Variants in AKAP6 observed in about 807,000 individuals in gnomAD.
AKAP6 encodes the protein A-kinase anchor protein 6.
A neutral mutation model predicts 188.5 loss-of-function variants in AKAP6; 58 were observed. The observed-to-expected ratio is 0.31, with a 90% CI of 0.25 to 0.38. The LOEUF is 0.38. Among genes scored for constraint, AKAP6 ranks in the 10% least tolerant of loss-of-function variants. The probability of loss-of-function intolerance (pLI) is 1.00; values close to 1 mark genes in which losing one functional copy is unlikely to be tolerated. For synonymous variants in AKAP6, 989 were observed against 998.6 expected (o/e 0.99, Z 0.18); for missense variants, 2,710 against 2,740.0 (o/e 0.99, Z 0.24).
chr14:32,735,303 G>A (rs2031362644), intron 10 of AKAP6, among the ~76,000 whole-genome samples: 1 of 151,994 alleles, frequency 6.6e-6, no homozygotes, highest in Non-Finnish European at 1.5e-5. Flanking sequence ...TAATTCAAAT[G>A]AATTTTTCTC....
intron 5 of AKAP6, among the ~76,000 whole-genome samples, chr14:32,579,656 C>A (rs189206722): frequency 6.6e-6 from 1 of 152,254 alleles, no homozygotes; most frequent in Admixed American, 6.5e-5. Context: ...GCTCAAACAT[C>A]TTTCAATCAA....
At position 32,773,996 on chromosome 14, in the gene AKAP6, A is replaced by G. The variant is rs1034116874; in HGVS notation, c.3588+103A>G. On this transcript the variant is annotated intron_variant, in intron 12 of 13. Transcript: ENST00000280979. ...TGTTCATCTTATAAATGGTTTTACT[A>G]ACTAACTTAAAGTGGTTTTGCCATC... is the stretch of plus-strand genomic sequence containing the variant. 9 of 1,268,648 alleles carry G rather than the reference A, an allele frequency of 7.1e-6. No homozygotes were observed. The African/African-American group carries it at 1.0e-4, about 15-fold the overall frequency. The allele number at this position is 1,268,648 out of a possible 1,614,324, so 78.6% of individuals were successfully genotyped here. A position where few individuals can be genotyped will look rare whatever the true frequency, so the allele number is the denominator to read the frequency against.
At chr14:32,649,943 C>T (rs1888141161) in intron 7 of AKAP6, among the ~76,000 whole-genome samples, 1 of 152,158 alleles carries the variant, frequency 6.6e-6, no homozygotes, top group African/African-American at 2.4e-5. Flanking sequence ...CTCTAGGCAG[C>T]ACACACTGCT....
At chr14:32,557,432 C>A (rs1244621890) in intron 4 of AKAP6, among the ~76,000 whole-genome samples, 1 of 152,104 alleles carries the variant, frequency 6.6e-6, no homozygotes, top group Non-Finnish European at 1.5e-5. Flanking sequence ...TCCTGTCTAG[C>A]CATTATTTAC....
chr14:32,412,417 T>C (rs1889518617), intron 1 of AKAP6, among the ~76,000 whole-genome samples: 1 of 152,212 alleles, frequency 6.6e-6, no homozygotes. Flanking sequence ...TGGAAATAAA[T>C]TACATGACAT....
chr14:32,728,008 G>A (rs1359271389), intron 9 of AKAP6, among the ~76,000 whole-genome samples: 1 of 152,146 alleles, frequency 6.6e-6, no homozygotes, highest in Non-Finnish European at 1.5e-5. Flanking sequence ...GGCAACACTG[G>A]CCTCTGGCAG....
At chr14:32,786,492 AT>A (rs915931393) in intron 12 of AKAP6, among the ~76,000 whole-genome samples, 1 of 148,724 alleles carries the variant, frequency 6.7e-6, no homozygotes, top group African/African-American at 2.5e-5. Context: ...ATTTTATTTT[AT>A]TTTTTTATTT....
In AKAP6 at chr14:32,500,452, T is replaced by G. The variant is rs1880552864; in HGVS notation, c.325-35102T>G. 2.0e-5 allele frequency among the ~76,000 whole-genome samples: 3 copies of G among 152,192 alleles called. No homozygotes were observed. The South Asian group carries it at 6.2e-4, about 31-fold the overall frequency. ...AACCAATGATCACTTCCTATACTTC[T>G]GTCACTCTGTGACGCTGAGCATACT... On this transcript the variant is annotated intron_variant, in intron 2 of 13. Coordinates refer to ENST00000280979, the MANE Select transcript of AKAP6 (RefSeq NM_004274.5).
intron 8 of AKAP6, 67 bp downstream of exon 8, chr14:32,678,526 A>G (rs994936402): frequency 1.3e-6 from 2 of 1,575,330 alleles, no homozygotes; most frequent in African/African-American, 2.7e-5. Flanking sequence ...TTCCACTGGT[A>G]GGTGTTAGGA....
intron 9 of AKAP6, among the ~76,000 whole-genome samples, chr14:32,701,352 T>C (rs994686874): frequency 6.6e-6 from 1 of 152,168 alleles, no homozygotes. Flanking sequence ...TTGAGTTTCC[T>C]GGTAGTGAAA....
intron 9 of AKAP6, among the ~76,000 whole-genome samples, chr14:32,716,091 C>A (rs1373209707): frequency 6.6e-6 from 1 of 151,930 alleles, no homozygotes; most frequent in Admixed American, 6.6e-5. Flanking sequence ...GTAAGCAATG[C>A]AAGCAAAGTT....
At chr14:32,579,817 G>C (rs17099326) in intron 5 of AKAP6, among the ~76,000 whole-genome samples, 19,270 of 152,120 alleles carry the variant, frequency 0.13, 1,503 homozygotes, top group African/African-American at 0.21. Context: ...TAAGCCTAGA[G>C]ATTTGTATTC....
At chr14:32,463,215 T>C (rs572476437) in intron 2 of AKAP6, among the ~76,000 whole-genome samples, 2 of 152,184 alleles carry the variant, frequency 1.3e-5, no homozygotes, top group African/African-American at 4.8e-5. Context: ...AATAAGGATA[T>C]TCAGGGCTTG....
chr14:32,680,967 C>G (rs1431730198), intron 8 of AKAP6, among the ~76,000 whole-genome samples: 1 of 152,186 alleles, frequency 6.6e-6, no homozygotes, highest in Non-Finnish European at 1.5e-5. Flanking sequence ...CTGGCTCCAG[C>G]ATCCCAAAGT....
At chr14:32,614,416 G>T (rs934588802) in intron 7 of AKAP6, among the ~76,000 whole-genome samples, 1 of 152,164 alleles carries the variant, frequency 6.6e-6, no homozygotes, top group South Asian at 2.1e-4. Context: ...TAACAGTCTT[G>T]TGCAATGCCT....
chr14:32,387,951 A>C (rs1888587878), intron 1 of AKAP6, among the ~76,000 whole-genome samples: 1 of 152,034 alleles, frequency 6.6e-6, no homozygotes, highest in Admixed American at 6.6e-5. Flanking sequence ...TGTCTGGTAG[A>C]ATTCTGCTGT....
At chr14:32,768,122 A>C (rs2032774699) in intron 11 of AKAP6, among the ~76,000 whole-genome samples, 1 of 152,180 alleles carries the variant, frequency 6.6e-6, no homozygotes, top group Admixed American at 6.5e-5. Flanking sequence ...ATCATTTGCC[A>C]ACCTTCCCCC....
chr14:32,411,798 T>C (rs1465053943), intron 1 of AKAP6, among the ~76,000 whole-genome samples: 2 of 151,676 alleles, frequency 1.3e-5, no homozygotes, highest in East Asian at 1.9e-4. Context: ...CTTACTCTTT[T>C]TTTTTTTTTT....
At chr14:32,806,479 C>G (rs145185246) in intron 12 of AKAP6, among the ~76,000 whole-genome samples, 1 of 152,040 alleles carries the variant, frequency 6.6e-6, no homozygotes. Context: ...GAATTAGAGA[C>G]CAGTCTGAGC....
Sources: allele counts gnomAD v4.1 joint callset (sites outside exome capture counted in the v4.1 genomes callset), GRCh38; gene constraint gnomAD v4.1.1; transcripts MANE v1.5; gene names NCBI Gene and HGNC (gene_info 2026-07-23, HGNC 2026-07-21).